The following PAK5 variants were observed in gnomAD, a reference collection of about 807,000 sequenced individuals.
The protein encoded by PAK5 is serine/threonine-protein kinase PAK 5.
Under a neutral mutation model 65.9 loss-of-function variants are expected in PAK5, and 16 were observed. That is an observed-to-expected ratio of 0.24 (90% CI 0.16 to 0.37). The LOEUF (loss-of-function observed/expected upper bound fraction) is 0.37. PAK5 is among the 10% of genes least tolerant of loss of function. The pLI is 1.00. For synonymous variants in PAK5, 371 were observed against 354.9 expected, an observed-to-expected ratio of 1.05 and a Z score of -0.51; for missense variants, 785 against 903.9, an observed-to-expected ratio of 0.87 and a Z score of 1.69.
chr20:9,697,344 A>G (rs1359421306), intron 2 of PAK5, among the ~76,000 whole-genome samples: 1 of 151,988 alleles, frequency 6.6e-6, no homozygotes. Context: ...TCTCCCCTCT[A>G]CACACAACCA....
intron 1 of PAK5, among the ~76,000 whole-genome samples, chr20:9,715,002 A>G (rs2048124841): frequency 6.6e-6 from 1 of 152,228 alleles, no homozygotes; most frequent in Non-Finnish European, 1.5e-5. Flanking sequence ...CTTCATGTCT[A>G]AAACACCAAA....
At chr20:9,540,938 G>A (rs934034969) in intron 9 of PAK5, among the ~76,000 whole-genome samples, 2 of 151,992 alleles carry the variant, frequency 1.3e-5, no homozygotes, top group Admixed American at 6.6e-5. Context: ...GGGTTTCACC[G>A]TGTTAGCCAG....
intron 2 of PAK5, among the ~76,000 whole-genome samples, chr20:9,683,055 T>G (rs1050372531): frequency 2.0e-5 from 3 of 152,250 alleles, no homozygotes; most frequent in Non-Finnish European, 4.4e-5. Context: ...CTGATACTCT[T>G]CCCTTTAGGG....
chr20:9,551,730 G>A lies in PAK5; in HGVS notation c.1743+5878C>T, dbSNP rs548233799. 5.3e-5 allele frequency among the ~76,000 whole-genome samples: 8 copies of A among 152,300 alleles called. No individual in the cohort carries two copies. The South Asian group carries it at 1.7e-3, about 32-fold the overall frequency. On this transcript the variant is annotated intron_variant, in intron 7 of 9. Coordinates refer to ENST00000353224, the MANE Select transcript of PAK5 (RefSeq NM_177990.4). The stretch of plus-strand genomic sequence containing the variant: ...CAATGGCACTCAGTGTACAATGTAT[G>A]TAGCATCAGCCTCACCTGAGAGCCT...
intron 1 of PAK5, among the ~76,000 whole-genome samples, chr20:9,752,868 C>T (rs565549692): frequency 6.6e-6 from 1 of 152,146 alleles, no homozygotes; most frequent in Non-Finnish European, 1.5e-5. Context: ...TTGCTTTGAC[C>T]AATTGAAGGA....
chr20:9,558,043 T>TATTTATTTATTCATTCATTCATTC (rs55861453), intron 6 of PAK5, among the ~76,000 whole-genome samples: 17 of 138,952 alleles, frequency 1.2e-4, no homozygotes, highest in African/African-American at 5.0e-4. Context: ...TTTATTTATT[T>TATTTATTTATTCATTCATTCATTC]ATTCATTCAT....
intron 1 of PAK5, among the ~76,000 whole-genome samples, chr20:9,813,027 C>T (rs904085598): frequency 6.6e-6 from 1 of 151,970 alleles, no homozygotes; most frequent in Non-Finnish European, 1.5e-5. Context: ...ATAGTATAAC[C>T]ATACAATGGA....
intron 1 of PAK5, among the ~76,000 whole-genome samples, chr20:9,797,775 A>T (rs2049122333): frequency 6.6e-6 from 1 of 151,918 alleles, no homozygotes; most frequent in Admixed American, 6.6e-5. Flanking sequence ...TGGATATGTC[A>T]GTTTTGGGTT....
intron 3 of PAK5, among the ~76,000 whole-genome samples, chr20:9,604,791 G>A (rs1429401194): frequency 3.9e-5 from 6 of 152,096 alleles, no homozygotes; most frequent in Non-Finnish European, 4.4e-5. Flanking sequence ...TCAGTTTTCC[G>A]CCTCCAAGGG....
intron 2 of PAK5, among the ~76,000 whole-genome samples, chr20:9,660,515 T>C (rs138835086): frequency 1.3e-5 from 2 of 150,898 alleles, no homozygotes; most frequent in South Asian, 2.1e-4. Context: ...AACAAGTAAA[T>C]AGGAAAATTA....
chr20:9,750,565 G>A (rs1226196267), intron 1 of PAK5, among the ~76,000 whole-genome samples: 1 of 151,996 alleles, frequency 6.6e-6, no homozygotes, highest in Non-Finnish European at 1.5e-5. Flanking sequence ...AGTTAGTCAT[G>A]GTTTTTATGT....
intron 3 of PAK5, among the ~76,000 whole-genome samples, chr20:9,637,247 C>T (rs2046994003): frequency 6.6e-6 from 1 of 152,092 alleles, no homozygotes; most frequent in Admixed American, 6.6e-5. Flanking sequence ...TGAACTCAAG[C>T]ACTCTTGCTT....
intron 1 of PAK5, among the ~76,000 whole-genome samples, chr20:9,771,208 C>A (rs2048828437): frequency 6.6e-6 from 1 of 152,042 alleles, no homozygotes; most frequent in Non-Finnish European, 1.5e-5. Flanking sequence ...AGCCACATAG[C>A]CCTAACAGAG....
At chr20:9,653,315 A>T (rs2123305530) in intron 2 of PAK5, among the ~76,000 whole-genome samples, 1 of 152,308 alleles carries the variant, frequency 6.6e-6, no homozygotes, top group African/African-American at 2.4e-5. Flanking sequence ...CCATGGTTTC[A>T]TTCTTTACTA....
chr20:9,657,764 C>T (rs144834484), intron 2 of PAK5, among the ~76,000 whole-genome samples: 12 of 152,146 alleles, frequency 7.9e-5, no homozygotes, highest in South Asian at 2.1e-4. Context: ...GCAGGTCTTG[C>T]GAACTTGAAA....
intron 7 of PAK5, among the ~76,000 whole-genome samples, chr20:9,554,649 C>T (rs1264853413): frequency 6.6e-6 from 1 of 152,186 alleles, no homozygotes; most frequent in African/African-American, 2.4e-5. Context: ...ATGTTGTACA[C>T]TAATAGACTC....
intron 2 of PAK5, among the ~76,000 whole-genome samples, chr20:9,664,450 T>C (rs1056612371): frequency 1.6e-4 from 25 of 152,324 alleles, no homozygotes; most frequent in South Asian, 6.2e-4. Flanking sequence ...ATCAGGACTA[T>C]GGAAATCAAC....
intron 1 of PAK5, among the ~76,000 whole-genome samples, chr20:9,810,692 G>C (rs1341427715): frequency 1.3e-5 from 2 of 152,160 alleles, no homozygotes; most frequent in African/African-American, 4.8e-5. Flanking sequence ...ATTGCAAAAT[G>C]TACCTAAAAT....
Position 9,677,240 on chromosome 20 carries a change from A to G in PAK5, c.-11-32901T>C, listed in dbSNP as rs114565548. On this transcript the variant is annotated intron_variant, in intron 2 of 9. Coordinates refer to ENST00000353224, the MANE Select transcript of PAK5 (RefSeq NM_177990.4). Reference sequence around the variant, plus strand: ...CCTCCACACTTGGGATCTCTCTTCCAACAAATCTAATGTGACTCAGCATTC... The same window carrying G: ...CCTCCACACTTGGGATCTCTCTTCCGACAAATCTAATGTGACTCAGCATTC... 5.3e-3 allele frequency among the ~76,000 whole-genome samples: 811 copies of G among 152,280 alleles called. 3 individuals are homozygous for G. The highest frequency in any genetic ancestry group is 0.018 in the African/African-American group (765 of 41,560).
Sources: allele counts gnomAD v4.1 joint callset (sites outside exome capture counted in the v4.1 genomes callset), GRCh38; gene constraint gnomAD v4.1.1; transcripts MANE v1.5; gene names NCBI Gene and HGNC (gene_info 2026-07-23, HGNC 2026-07-21).